Variants in MAPRE2 observed in about 807,000 individuals in gnomAD.
MAPRE2 encodes microtubule associated protein RP/EB family member 2.
A neutral mutation model predicts 43.2 loss-of-function variants in MAPRE2; 13 were observed. That is an observed-to-expected ratio of 0.30 (90% CI 0.20 to 0.48). MAPRE2 has a LOEUF of 0.48. Ranked by LOEUF, MAPRE2 falls within the 20% of genes least tolerant of loss-of-function variation. The pLI is 0.99. For synonymous variants in MAPRE2, 135 were observed against 148.8 expected (o/e 0.91, Z 0.68); for missense variants, 161 against 400.2 (o/e 0.40, Z 5.10).
intron 5 of MAPRE2, among the ~76,000 whole-genome samples, chr18:35,129,851 T>C (rs1248725632): frequency 6.6e-6 from 1 of 152,230 alleles, no homozygotes; most frequent in Non-Finnish European, 1.5e-5. Context: ...CTTAAGCATC[T>C]GCCATAACCC....
intron 4 of MAPRE2, among the ~76,000 whole-genome samples, chr18:35,119,526 G>T (rs1425337930): frequency 6.6e-6 from 1 of 152,182 alleles, no homozygotes; most frequent in African/African-American, 2.4e-5. Flanking sequence ...TCAACTGCCT[G>T]TTAGCTTCCC....
chr18:35,026,094 GA>G (rs1447221218), intron 2 of MAPRE2, among the ~76,000 whole-genome samples: 6 of 152,136 alleles, frequency 3.9e-5, no homozygotes, highest in Non-Finnish European at 7.3e-5. Context: ...GTGAAGCAAG[GA>G]AACCTCTCTA....
At chr18:35,126,830 T>G in intron 4 of MAPRE2, 118 bp from the exon 5 acceptor site, 1 of 798,950 alleles carries the variant, frequency 1.3e-6, no homozygotes, top group Non-Finnish European at 2.0e-6. Context: ...TGGGAAGGGA[T>G]CACTGGAGGT....
intron 1 of MAPRE2, among the ~76,000 whole-genome samples, chr18:35,058,294 C>T (rs931098593): frequency 6.6e-6 from 1 of 152,074 alleles, no homozygotes; most frequent in Non-Finnish European, 1.5e-5. Flanking sequence ...ACTTCATTTT[C>T]CATTTTCATT....
At chr18:35,077,829 T>A (rs2144120741) in intron 2 of MAPRE2, among the ~76,000 whole-genome samples, 2 of 152,378 alleles carry the variant, frequency 1.3e-5, no homozygotes, top group South Asian at 4.1e-4. Flanking sequence ...TACATAATGA[T>A]ATGCTTATTT....
intron 4 of MAPRE2, among the ~76,000 whole-genome samples, chr18:35,109,866 T>C (rs1016290957): frequency 1.3e-5 from 2 of 152,150 alleles, no homozygotes; most frequent in African/African-American, 4.8e-5. Flanking sequence ...GCATTATCAT[T>C]TGTTTTCTGT....
chr18:35,056,237 C>T (rs1486097032), intron 1 of MAPRE2, among the ~76,000 whole-genome samples: 1 of 151,924 alleles, frequency 6.6e-6, no homozygotes, highest in African/African-American at 2.4e-5. Context: ...AATAATTAAT[C>T]CTTTGTAGCA....
At chr18:34,983,571 T>A (rs1453275309) in intron 1 of MAPRE2, among the ~76,000 whole-genome samples, 1 of 152,196 alleles carries the variant, frequency 6.6e-6, no homozygotes, top group African/African-American at 2.4e-5. Context: ...ACACTTAACA[T>A]GATGTGGAAA....
chr18:35,070,354 A>G, intron 2 of MAPRE2, 32 bp downstream of exon 2: 1 of 1,555,338 alleles, frequency 6.4e-7, no homozygotes, highest in Non-Finnish European at 8.7e-7. Context: ...GTTTACCTAA[A>G]TATTTACAGT....
At chr18:35,125,294 G>C (rs1909859218) in intron 4 of MAPRE2, among the ~76,000 whole-genome samples, 1 of 152,130 alleles carries the variant, frequency 6.6e-6, no homozygotes, top group Non-Finnish European at 1.5e-5. Context: ...TGTAACTGCT[G>C]TCACATACCT....
chr18:34,988,500 A>C lies in MAPRE2; in HGVS notation c.-70+11421A>C, dbSNP rs1357644273. 2.0e-5 allele frequency: 3 copies of C among 151,966 alleles called. No homozygotes were observed. The East Asian group carries it at 5.8e-4, about 29-fold the overall frequency. The allele number at this position is 151,966 out of a possible 1,614,324, so 9.4% of individuals were successfully genotyped here. On this transcript the variant is annotated intron_variant, in intron 1 of 7. Coordinates refer to the MAPRE2 transcript ENST00000413393. ...AATAGAGAAAGCGAAGTCTGACAAG[A>C]GTTACAAGATCAGATAACATCTGTG...
At chr18:34,997,943 AT>A (rs960777947) in intron 1 of MAPRE2, among the ~76,000 whole-genome samples, 1 of 152,234 alleles carries the variant, frequency 6.6e-6, no homozygotes, top group African/African-American at 2.4e-5. Context: ...TTTAAGAAAT[AT>A]TTTCAAGTTG....
chr18:35,114,580 A>T (rs959697921), intron 4 of MAPRE2, among the ~76,000 whole-genome samples: 1 of 152,164 alleles, frequency 6.6e-6, no homozygotes. Flanking sequence ...TGATTTCTTA[A>T]TCCTTCAAGT....
chr18:35,009,551 A>C (rs1331132616), intron 2 of MAPRE2, among the ~76,000 whole-genome samples: 2 of 152,184 alleles, frequency 1.3e-5, no homozygotes, highest in Non-Finnish European at 2.9e-5. Flanking sequence ...ATTGTGTCAG[A>C]ATCTGTGGGA....
At chr18:35,114,671 G>A (rs1225357052) in intron 4 of MAPRE2, among the ~76,000 whole-genome samples, 3 of 152,184 alleles carry the variant, frequency 2.0e-5, no homozygotes, top group Admixed American at 6.5e-5. Flanking sequence ...GGCACTCAGA[G>A]TCTGTTCCTT....
chr18:35,052,802 G>A (rs751426831), intron 1 of MAPRE2, among the ~76,000 whole-genome samples: 3 of 152,106 alleles, frequency 2.0e-5, no homozygotes, highest in Non-Finnish European at 4.4e-5. Flanking sequence ...CTATTTTCAT[G>A]ATGACTAATG....
At chr18:35,029,377 C>T (rs1432240883) in intron 2 of MAPRE2, among the ~76,000 whole-genome samples, 1 of 152,200 alleles carries the variant, frequency 6.6e-6, no homozygotes, top group Non-Finnish European at 1.5e-5. Flanking sequence ...ACACACCAGA[C>T]TTGACAGAGA....
intron 2 of MAPRE2, among the ~76,000 whole-genome samples, chr18:35,085,164 T>C (rs1603399364): frequency 6.6e-6 from 1 of 152,234 alleles, no homozygotes; most frequent in Non-Finnish European, 1.5e-5. Flanking sequence ...ACAGCATGTA[T>C]TTCTGTAGGT....
intron 2 of MAPRE2, among the ~76,000 whole-genome samples, chr18:35,021,264 C>T (rs549878028): frequency 1.0e-3 from 157 of 152,170 alleles, no homozygotes; most frequent in African/African-American, 3.1e-3. Flanking sequence ...TAGAAAAATT[C>T]GTGAGTTTTA....
Sources: allele counts gnomAD v4.1 joint callset (sites outside exome capture counted in the v4.1 genomes callset), GRCh38; gene constraint gnomAD v4.1.1; transcripts MANE v1.5; gene names NCBI Gene and HGNC (gene_info 2026-07-23, HGNC 2026-07-21).